The following IRAK1BP1 variants were observed in gnomAD, a reference collection of about 807,000 sequenced individuals.
The protein encoded by IRAK1BP1 is interleukin-1 receptor-associated kinase 1-binding protein 1.
In IRAK1BP1, 24 loss-of-function variants were observed where a neutral mutation model predicts 28.0. The observed-to-expected ratio is 0.86, with a 90% CI of 0.62 to 1.20. IRAK1BP1 has a LOEUF of 1.20. Ranked by LOEUF, IRAK1BP1 falls within the 50% of genes most tolerant of loss-of-function variation. The pLI is 0.00. For missense variants in IRAK1BP1, 336 were observed against 316.7 expected (o/e 1.06, Z -0.46); for synonymous variants, 131 against 116.3 (o/e 1.13, Z -0.81).
intron 2 of IRAK1BP1, among the ~76,000 whole-genome samples, chr6:78,890,196 C>T (rs1019237598): frequency 2.8e-5 from 4 of 144,294 alleles, no homozygotes; most frequent in Middle Eastern, 3.5e-3. Context: ...CGCATGTTCT[C>T]AATCATAAGT....
the IRAK1BP1 span, among the ~76,000 whole-genome samples, chr6:78,954,404 C>T: frequency 6.6e-6 from 1 of 152,060 alleles, no homozygotes; most frequent in Non-Finnish European, 1.5e-5. Flanking sequence ...CCGTGCCCAG[C>T]CTAAAAACTA....
rs944112342 is a variant in IRAK1BP1 at position 78,902,899 on chromosome 6, A to G, written c.*4565A>G. 1.5e-6 allele frequency: 1 copy of G among 679,934 alleles called. No homozygotes were observed. The highest frequency in any genetic ancestry group is 2.5e-6 in the Non-Finnish European group (1 of 399,714). The allele number at this position is 679,934 out of a possible 1,614,324, so 42.1% of individuals were successfully genotyped here. A position where few individuals can be genotyped will look rare whatever the true frequency, so the allele number is the denominator to read the frequency against. On this transcript the variant is annotated 3_prime_UTR_variant, in exon 4 of 4. Transcript: ENST00000369940. ...GACACTGCTCTTCAAGAGAGGTAAT[A>G]TTAATAGAAATCTTTCAAGAAGGAT...
intron 1 of IRAK1BP1, among the ~76,000 whole-genome samples, chr6:78,879,533 C>T (rs975806416): frequency 3.9e-5 from 6 of 152,114 alleles, no homozygotes; most frequent in Non-Finnish European, 5.9e-5. Context: ...AATGAACCTC[C>T]ACACTCACCT....
the IRAK1BP1 span, chr6:78,958,346 C>T: frequency 3.3e-6 from 2 of 608,626 alleles, no homozygotes; most frequent in Admixed American, 3.0e-5. Flanking sequence ...CTAATGCTCT[C>T]CCAGCTGAGC....
chr6:78,949,314 G>C (rs942076335), downstream of IRAK1BP1, among the ~76,000 whole-genome samples: 2 of 152,164 alleles, frequency 1.3e-5, no homozygotes, highest in Non-Finnish European at 2.9e-5. Flanking sequence ...GCCCCTTCCT[G>C]GGCAGTCTTA....
In IRAK1BP1 at chr6:78,898,050, A is replaced by G; in HGVS notation, c.513-14A>G. The G allele has an allele frequency of 1.9e-6, 3 of 1,606,190 alleles. No individual in the cohort carries two copies. The highest frequency in any genetic ancestry group is 2.6e-6 in the Non-Finnish European group (3 of 1,175,984). On this transcript the variant is annotated splice_polypyrimidine_tract_variant and intron_variant, in intron 3 of 3. Coordinates refer to ENST00000369940, the MANE Select transcript of IRAK1BP1 (RefSeq NM_001010844.4). ...TGAGTGTCATATTAATAATCTCTCC[A>G]TTTAATTCCTAAGACGGCAAGCCTG...
At chr6:78,940,732 C>T (rs1367373157) in intron 4 of IRAK1BP1, 2 of 1,612,612 alleles carry the variant, frequency 1.2e-6, no homozygotes, top group African/African-American at 2.7e-5. Flanking sequence ...TTTCAGTCAA[C>T]TTTCGGACTC....
At position 78,931,841 on chromosome 6, in the gene IRAK1BP1, A is replaced by G. The variant is rs531187175; in HGVS notation, c.*68-13567A>G. Among the ~76,000 whole-genome samples the G allele has an allele frequency of 3.9e-5, 6 of 152,246 alleles. No homozygotes were observed. In the South Asian group the frequency reaches 1.2e-3, roughly 32 times the overall value. The stretch of plus-strand genomic sequence containing the variant: ...TGTCAATTTCTTAAGATAACACTGA[A>G]GTATGCTGCATCCATTGGACTCTTC... On this transcript the variant is annotated intron_variant and NMD_transcript_variant, in intron 4 of 4. Coordinates refer to the IRAK1BP1 transcript ENST00000606868.
At chr6:78,970,232 G>A in the IRAK1BP1 span, 1 of 1,443,734 alleles carries the variant, frequency 6.9e-7, no homozygotes, top group Admixed American at 1.9e-5. Context: ...AAAATAGACT[G>A]CTAAACATTG....
At chr6:78,932,705 C>T (rs1753902586) in intron 4 of IRAK1BP1, among the ~76,000 whole-genome samples, 2 of 152,090 alleles carry the variant, frequency 1.3e-5, no homozygotes, top group South Asian at 2.1e-4. Flanking sequence ...AGGCGTGAGC[C>T]ACTGTGCTTG....
intron 4 of IRAK1BP1, among the ~76,000 whole-genome samples, chr6:78,911,575 A>G (rs1292270913): frequency 1.2e-4 from 18 of 152,196 alleles, no homozygotes; most frequent in Admixed American, 1.1e-3. Flanking sequence ...ATAACATCAT[A>G]TCCTGCAGGA....
the IRAK1BP1 span, chr6:78,955,418 TA>T: frequency 1.5e-6 from 1 of 645,656 alleles, no homozygotes; most frequent in Non-Finnish European, 2.5e-6. Flanking sequence ...ATTGACTCAT[TA>T]AAAAGGTTCC....
the IRAK1BP1 span, among the ~76,000 whole-genome samples, chr6:78,972,432 A>C: frequency 6.6e-6 from 1 of 152,170 alleles, no homozygotes; most frequent in African/African-American, 2.4e-5. Context: ...TGGGGAAAAA[A>C]CAGAACAGAA....
chr6:78,894,138 G>A (rs1254350282), intron 2 of IRAK1BP1, among the ~76,000 whole-genome samples: 4 of 152,004 alleles, frequency 2.6e-5, no homozygotes, highest in African/African-American at 7.3e-5. Context: ...TGGAGTTACG[G>A]CTAATAAGTC....
At chr6:78,958,449 T>C in the IRAK1BP1 span, 1 of 1,302,584 alleles carries the variant, frequency 7.7e-7, no homozygotes, top group Non-Finnish European at 1.1e-6. Flanking sequence ...AAAACTATCA[T>C]AATTACATAT....
the IRAK1BP1 span, chr6:78,965,597 T>C: frequency 1.5e-6 from 1 of 662,728 alleles, no homozygotes; most frequent in Non-Finnish European, 2.7e-6. Context: ...GAATGTTTTC[T>C]ATTTGATACT....
At chr6:78,955,482 T>C in the IRAK1BP1 span, 1 of 297,362 alleles carries the variant, frequency 3.4e-6, no homozygotes. Context: ...CTGCCAGTTG[T>C]TTTTTTTTTT....
At chr6:78,948,575 T>A (rs1346743599), downstream of IRAK1BP1, among the ~76,000 whole-genome samples, 1 of 152,102 alleles carries the variant, frequency 6.6e-6, no homozygotes, top group African/African-American at 2.4e-5. Context: ...GCTCACTGCA[T>A]CCTTGGCCTC....
chr6:78,937,935 T>C (rs1318839070), intron 4 of IRAK1BP1: 2 of 151,828 alleles, frequency 1.3e-5, no homozygotes, highest in African/African-American at 2.4e-5. Flanking sequence ...GTAAGAGTTA[T>C]ATTTCTGAAC....
Sources: gnomAD v4.1 joint callset for allele counts (sites outside exome capture counted in the v4.1 genomes callset) on GRCh38, gnomAD v4.1.1 for gene constraint, MANE v1.5 for transcripts, NCBI Gene and HGNC (gene_info 2026-07-23, HGNC 2026-07-21) for gene names.